RARG: variants seen among roughly 807,000 people sequenced by gnomAD.
The protein encoded by RARG is retinoic acid receptor gamma, also known as RAR-gamma.
A neutral mutation model predicts 43.7 loss-of-function variants in RARG; 17 were observed. The observed-to-expected ratio is 0.39, with a 90% CI of 0.27 to 0.58. RARG has a LOEUF of 0.58. Ranked by LOEUF, RARG falls within the 20% of genes least tolerant of loss-of-function variation. The probability of loss-of-function intolerance (pLI) is 0.57; values close to 1 mark genes in which losing one functional copy is unlikely to be tolerated. For missense variants in RARG, 346 were observed against 598.7 expected, an observed-to-expected ratio of 0.58 and a Z score of 4.40; for synonymous variants, 238 against 236.4, an observed-to-expected ratio of 1.01 and a Z score of -0.06.
At chr12:53,220,986 G>C (rs1942941830) in intron 3 of RARG, among the ~76,000 whole-genome samples, 1 of 151,940 alleles carries the variant, frequency 6.6e-6, no homozygotes, top group African/African-American at 2.4e-5. Flanking sequence ...GGCTCGGCGC[G>C]CGCTGCCTCC....
At chr12:53,228,036 T>C (rs1056660330) in intron 2 of RARG, among the ~76,000 whole-genome samples, 6 of 152,252 alleles carry the variant, frequency 3.9e-5, no homozygotes, top group African/African-American at 7.2e-5. Flanking sequence ...CTGGGAGTTA[T>C]GATTCTCATT....
Position 53,214,188 on chromosome 12 carries a change from G to A in RARG, c.684C>T (p.Asp228=), listed in dbSNP as rs780290597. The change falls in exon 7 of 10, where the codon GAC becomes GAT. Residue 228 remains aspartate, a synonymous_variant. Coordinates refer to ENST00000425354, the MANE Select transcript of RARG (RefSeq NM_000966.6). ...ACTTGGTAGCCAGCTCACTGAACTT[G>A]TCCCACAGCCCCAGATCCAGCTGCA... is the stretch of plus-strand genomic sequence containing the variant. ...HRVQLDLGLW[D]KFSELATKCI... is the part of the protein sequence containing the mutation. 7.9e-5 allele frequency: 127 copies of A among 1,613,662 alleles called. No individual in the cohort carries two copies. The highest frequency in any genetic ancestry group is 1.1e-4 in the Non-Finnish European group (125 of 1,179,706).
At chr12:53,212,975 G>T in intron 9 of RARG, 110 bp downstream of exon 9, 1 of 1,316,728 alleles carries the variant, frequency 7.6e-7, no homozygotes, top group Non-Finnish European at 1.0e-6. Flanking sequence ...TTCCAGTGTA[G>T]ATTGCCTGGT....
intron 3 of RARG, among the ~76,000 whole-genome samples, chr12:53,224,831 TCCTTCAGCATGG>T (rs1943068540): frequency 6.6e-6 from 1 of 151,860 alleles, no homozygotes; most frequent in South Asian, 2.1e-4. Flanking sequence ...TTCAGCCCCC[TCCTTCAGCATGG>T]CCTTCGAAGA....
chr12:53,211,951 T>TAGGG lies in RARG; in HGVS notation c.1178-89_1178-88insCCCT. On this transcript the variant is annotated intron_variant, in intron 9 of 9. Transcript: ENST00000425354. The surrounding 1 kb of genome is among the most constrained non-coding windows in gnomAD (Gnocchi z 4.6). ...CTCCCTAACCTTTCTCAACTGCCCC[T>TAGGG]GACTCCCCTAGGGGGCGCCCAGCAC... 1.8e-6 allele frequency: 2 copies of TAGGG among 1,107,942 alleles called. No homozygotes were observed. Among genetic ancestry groups the TAGGG allele is most frequent in the Non-Finnish European group, 2.4e-6 (2 of 839,568 alleles). 68.6% of individuals were successfully genotyped at this position (1,107,942 alleles called of 1,614,324 possible).
rs149724655 is a variant in RARG at position 53,213,341 on chromosome 12, T to G, written c.1019-98A>C. Reference sequence around the variant, plus strand: ...ACCAACCGGCGTTTTGGGAAGCCTGTACAGGGTTTCAGAACTCTCTGGATG... The same window carrying G: ...ACCAACCGGCGTTTTGGGAAGCCTGGACAGGGTTTCAGAACTCTCTGGATG... On this transcript the variant is annotated intron_variant, in intron 8 of 9. Transcript: ENST00000425354. This position sits in a 1 kb window ranked among gnomAD's most constrained non-coding sequence, Gnocchi z 4.7. The G allele has an allele frequency of 6.4e-4, 946 of 1,488,892 alleles. 6 individuals carry two copies. The African/African-American group carries it at 0.012, about 19-fold the overall frequency. The allele number at this position is 1,488,892 out of a possible 1,614,324, so 92.2% of individuals were successfully genotyped here.
chr12:53,222,165 C>T (rs1233202855), intron 3 of RARG, among the ~76,000 whole-genome samples: 1 of 151,210 alleles, frequency 6.6e-6, no homozygotes, highest in Admixed American at 6.6e-5. Context: ...CCCTTCTCCT[C>T]CCCCAACCCC....
rs536667510 is a variant in RARG, at chr12:53,214,942, G to A, written c.476-336C>T. 1.7e-3 allele frequency: 680 copies of A among 408,178 alleles called. 17 individuals are homozygous for A. In the South Asian group the frequency reaches 0.025, roughly 15 times the overall value. The allele number at this position is 408,178 out of a possible 1,614,324, so 25.3% of individuals were successfully genotyped here. A position where few individuals can be genotyped will look rare whatever the true frequency, so the allele number is the denominator to read the frequency against. ...CCTTGGCAGCACAATGGGGGCGAGGGGGGGGTGGAGAGGAGGAGCCACCCC... is the reference window on the plus strand; with the variant it reads ...CCTTGGCAGCACAATGGGGGCGAGGAGGGGGTGGAGAGGAGGAGCCACCCC... On this transcript the variant is annotated intron_variant, in intron 5 of 9. Transcript: ENST00000425354.
In RARG at chr12:53,210,764, C is replaced by A. The variant is rs1942566545; in HGVS notation, c.*912G>T. The A allele has an allele frequency of 6.6e-6, 1 of 152,610 alleles. No individual in the cohort carries two copies. Among genetic ancestry groups the A allele is most frequent in the African/African-American group, 2.4e-5 (1 of 41,414 alleles). 9.5% of individuals were successfully genotyped at this position (152,610 alleles called of 1,614,324 possible). On this transcript the variant is annotated 3_prime_UTR_variant, in exon 10 of 10. Coordinates refer to ENST00000425354, the MANE Select transcript of RARG (RefSeq NM_000966.6). ...AGGAAGAAAGGAGGGGTCACAGGGGCCCTGGGCTCCCCCACCCAAGACCCC... is the reference window on the plus strand; with the variant it reads ...AGGAAGAAAGGAGGGGTCACAGGGGACCTGGGCTCCCCCACCCAAGACCCC...
chr12:53,214,944 G>A (rs183238936), intron 5 of RARG: 12 of 407,380 alleles, frequency 2.9e-5, no homozygotes, highest in Non-Finnish European at 4.9e-5. Flanking sequence ...GGGCGAGGGG[G>A]GGGTGGAGAG....
chr12:53,227,295 A>G lies in RARG; in HGVS notation c.184+67T>C. On this transcript the variant is annotated intron_variant, in intron 3 of 9. Transcript: ENST00000425354. This position sits in a 1 kb window ranked among gnomAD's most constrained non-coding sequence, Gnocchi z 4.3. ...TCCTAACTGGGGTGCCAACTCTTTTACCATCCACCCTCCTGATGCCTTCTT... is the reference window on the plus strand; with the variant it reads ...TCCTAACTGGGGTGCCAACTCTTTTGCCATCCACCCTCCTGATGCCTTCTT... The G allele has an allele frequency of 2.1e-6, 3 of 1,445,868 alleles. No individual in the cohort carries two copies. The highest frequency in any genetic ancestry group is 1.5e-5 in the South Asian group (1 of 68,828). The allele number at this position is 1,445,868 out of a possible 1,614,324, so 89.6% of individuals were successfully genotyped here.
intron 3 of RARG, among the ~76,000 whole-genome samples, chr12:53,216,369 G>A (rs925018827): frequency 2.0e-5 from 3 of 152,146 alleles, no homozygotes; most frequent in South Asian, 2.1e-4. Flanking sequence ...TAGTACAGGG[G>A]GGATAACTCC....
At position 53,221,173 on chromosome 12, in the gene RARG, C is replaced by T. The variant is rs537227153; in HGVS notation, c.185-5379G>A. The stretch of plus-strand genomic sequence containing the variant: ...CTGCCGCGGAGTCCCCCCGCCCCCT[C>T]CAGCGCAGCCAGAGTCTACCCCTCC... On this transcript the variant is annotated intron_variant, in intron 3 of 9. Coordinates refer to ENST00000425354, the MANE Select transcript of RARG (RefSeq NM_000966.6). 2.2e-4 allele frequency among the ~76,000 whole-genome samples: 33 copies of T among 151,416 alleles called. No homozygotes were observed. In the South Asian group the frequency reaches 6.7e-3, roughly 31 times the overall value.
In RARG at chr12:53,211,560, T is replaced by C. The variant is rs3741434; in HGVS notation, c.*116A>G. 0.13 allele frequency: 136,345 copies of C among 1,010,878 alleles called. 9,696 individuals carry two copies. The highest frequency in any genetic ancestry group is 0.16 in the African/African-American group (9,565 of 58,966). The allele number at this position is 1,010,878 out of a possible 1,614,324, so 62.6% of individuals were successfully genotyped here. On this transcript the variant is annotated 3_prime_UTR_variant, in exon 10 of 10. Transcript: ENST00000425354. This position sits in a 1 kb window ranked among gnomAD's most constrained non-coding sequence, Gnocchi z 4.6. ...ACTTTGGCAAAAACAAGGAGCTCATTGGAAGGGGTGGGGAGAGGGCAGAGC... is the reference window on the plus strand; with the variant it reads ...ACTTTGGCAAAAACAAGGAGCTCATCGGAAGGGGTGGGGAGAGGGCAGAGC...
chr12:53,215,873 A>C lies in RARG; in HGVS notation c.185-79T>G. On this transcript the variant is annotated intron_variant, in intron 3 of 9. Transcript: ENST00000425354. The surrounding 1 kb of genome is among the most constrained non-coding windows in gnomAD (Gnocchi z 6.4). ...CAGGCTTCCTCATCACACACACCCC[A>C]TGTGCATTTGTTCCTTGGCCCACTG... The C allele has an allele frequency of 2.8e-6, 4 of 1,427,020 alleles. No homozygotes were observed. Among genetic ancestry groups the C allele is most frequent in the Non-Finnish European group, 3.7e-6 (4 of 1,069,946 alleles). The allele number at this position is 1,427,020 out of a possible 1,614,324, so 88.4% of individuals were successfully genotyped here. A position where few individuals can be genotyped will look rare whatever the true frequency, so the allele number is the denominator to read the frequency against.
At chr12:53,230,615 G>A (rs1181634644) in intron 2 of RARG, among the ~76,000 whole-genome samples, 1 of 152,024 alleles carries the variant, frequency 6.6e-6, no homozygotes, top group African/African-American at 2.4e-5. Flanking sequence ...TCATCCCCAG[G>A]TGCCCTCCCT....
chr12:53,213,949 A>T lies in RARG; in HGVS notation c.813+110T>A. On this transcript the variant is annotated intron_variant, in intron 7 of 9. Coordinates refer to ENST00000425354, the MANE Select transcript of RARG (RefSeq NM_000966.6). The surrounding 1 kb of genome is among the most constrained non-coding windows in gnomAD (Gnocchi z 4.7). Reference sequence around the variant, plus strand: ...GACGAAAAGAGAGCTGAGGAGTCCCACATGTGTGGCAGGGGGTGCAGGGTA... The same window carrying T: ...GACGAAAAGAGAGCTGAGGAGTCCCTCATGTGTGGCAGGGGGTGCAGGGTA... 1 of 1,312,798 alleles carries T rather than the reference A, an allele frequency of 7.6e-7. No individual in the cohort carries two copies. Among genetic ancestry groups the T allele is most frequent in the Non-Finnish European group, 1.1e-6 (1 of 943,686 alleles). 81.3% of individuals were successfully genotyped at this position (1,312,798 alleles called of 1,614,324 possible). A position where few individuals can be genotyped will look rare whatever the true frequency, so the allele number is the denominator to read the frequency against.
At chr12:53,220,470 T>G (rs542420286) in intron 3 of RARG, 15 of 552,134 alleles carry the variant, frequency 2.7e-5, no homozygotes, top group Admixed American at 4.2e-5. Context: ...AGCGCACACA[T>G]ACACATACGT....
chr12:53,227,238 C>A lies in RARG; in HGVS notation c.184+124G>T. ...CACCCTCCATTATTCACTACTACTC[C>A]ATTAGGCCAAACCCCTGTCCCCTGC... On this transcript the variant is annotated intron_variant, in intron 3 of 9. Transcript: ENST00000425354. The surrounding 1 kb of genome is among the most constrained non-coding windows in gnomAD (Gnocchi z 4.3). 1 of 1,042,914 alleles carries A rather than the reference C, an allele frequency of 9.6e-7. No homozygotes were observed. The highest frequency in any genetic ancestry group is 1.8e-5 in the South Asian group (1 of 56,624). 64.6% of individuals were successfully genotyped at this position (1,042,914 alleles called of 1,614,324 possible). A position where few individuals can be genotyped will look rare whatever the true frequency, so the allele number is the denominator to read the frequency against.
Sources: gnomAD v4.1 joint callset for allele counts (sites outside exome capture counted in the v4.1 genomes callset) on GRCh38, gnomAD v4.1.1 for gene constraint, Gnocchi (gnomAD v3.1) non-coding constraint, MANE v1.5 for transcripts, NCBI Gene and HGNC (gene_info 2026-07-23, HGNC 2026-07-21) for gene names.